Variants in PKDCC observed in about 807,000 individuals in gnomAD.
PKDCC encodes the protein protein kinase domain containing, cytoplasmic, also known as extracellular tyrosine-protein kinase PKDCC.
A neutral mutation model predicts 44.7 loss-of-function variants in PKDCC; 35 were observed. The ratio of observed to expected loss-of-function variants is 0.78; its 90% confidence interval spans 0.60 to 1.04. PKDCC has a LOEUF of 1.04. PKDCC is among the 50% of genes least tolerant of loss of function. PKDCC has a pLI of 0.00. For missense variants in PKDCC, 738 were observed against 672.7 expected, an observed-to-expected ratio of 1.10 and a Z score of -1.07; for synonymous variants, 353 against 303.3, an observed-to-expected ratio of 1.16 and a Z score of -1.70.
At chr2:42,053,129 C>T in intron 1 of PKDCC, 110 bp from the exon 2 acceptor site, 1 of 1,277,048 alleles carries the variant, frequency 7.8e-7, no homozygotes, top group South Asian at 1.5e-5. Flanking sequence ...TGAGCTGAAG[C>T]AAAGGCCTGG....
chr2:42,054,404 A>T lies in PKDCC; in HGVS notation c.1034+97A>T. On this transcript the variant is annotated intron_variant, in intron 3 of 6. Transcript: ENST00000294964. This position sits in a 1 kb window ranked among gnomAD's most constrained non-coding sequence, Gnocchi z 6.1. ...CAACGTGGAGGCCAGCTGGGCAGGG[A>T]GACTCAGCCTTGACCAGAGCAAGGG... The T allele has an allele frequency of 4.9e-6, 7 of 1,417,866 alleles. No individual in the cohort carries two copies. The highest frequency in any genetic ancestry group is 6.7e-6 in the Non-Finnish European group (7 of 1,046,620). The allele number at this position is 1,417,866 out of a possible 1,614,324, so 87.8% of individuals were successfully genotyped here.
intron 2 of PKDCC, 140 bp downstream of exon 2, chr2:42,053,501 A>G (rs1229412401): frequency 1.6e-6 from 2 of 1,218,472 alleles, no homozygotes; most frequent in East Asian, 5.0e-5. Flanking sequence ...TGACTCAGCC[A>G]CCGGCCAAAG....
In PKDCC at chr2:42,048,531, G is replaced by T. The variant is rs769233885; in HGVS notation, c.332G>T (p.Gly111Val). The T allele has an allele frequency of 2.7e-4, 326 of 1,225,634 alleles. 1 individual carries two copies. The Middle Eastern group carries it at 6.5e-3, about 24-fold the overall frequency. 75.9% of individuals were successfully genotyped at this position (1,225,634 alleles called of 1,614,324 possible). The change falls in exon 1 of 7, where the codon GGC (glycine) becomes GTC (valine). Residue 111 changes from glycine to valine, a missense_variant. Physicochemically the swap from Gly to Val is moderately radical, Grantham distance 109. Coordinates refer to ENST00000294964, the MANE Select transcript of PKDCC (RefSeq NM_138370.3). The surrounding 1 kb of genome is among the most constrained non-coding windows in gnomAD (Gnocchi z 6.2). ...CCTTGGGCCCGGCCCCTGTCCGACGGCGCCCCAGGCTGGCCCCCGGCTCCC... is the reference window on the plus strand; with the variant it reads ...CCTTGGGCCCGGCCCCTGTCCGACGTCGCCCCAGGCTGGCCCCCGGCTCCC... ...RPPWARPLSD[G>V]APGWPPAPGP... is the part of the protein sequence containing the mutation.
Position 42,055,440 on chromosome 2 carries a change from A to C in PKDCC, c.1222+47A>C. 6.4e-7 allele frequency: 1 copy of C among 1,552,714 alleles called. No homozygotes were observed. The highest frequency in any genetic ancestry group is 8.8e-7 in the Non-Finnish European group (1 of 1,133,260). Reference sequence around the variant, plus strand: ...CACAGGGAAGCAAGAAACAGGTGGGAGGGTGAATGACCCCGCCCAATTAGG... The same window carrying C: ...CACAGGGAAGCAAGAAACAGGTGGGCGGGTGAATGACCCCGCCCAATTAGG... On this transcript the variant is annotated intron_variant, in intron 5 of 6. Coordinates refer to ENST00000294964, the MANE Select transcript of PKDCC (RefSeq NM_138370.3). This position sits in a 1 kb window ranked among gnomAD's most constrained non-coding sequence, Gnocchi z 4.5.
chr2:42,050,160 A>C (rs1360617117), intron 1 of PKDCC, among the ~76,000 whole-genome samples: 5 of 152,202 alleles, frequency 3.3e-5, no homozygotes, highest in Admixed American at 3.3e-4. Context: ...CTGGGCCCCA[A>C]ACTGGTCTCA....
intron 1 of PKDCC, among the ~76,000 whole-genome samples, chr2:42,050,492 C>T (rs767313590): frequency 3.9e-5 from 6 of 152,164 alleles, no homozygotes; most frequent in African/African-American, 7.2e-5. Context: ...TCACTCTTCC[C>T]GCCAGCTCAA....
rs1667912356 is a variant in PKDCC, at chr2:42,048,571, C to G, written c.372C>G (p.Pro124=). 2 of 1,352,346 alleles carry G rather than the reference C, an allele frequency of 1.5e-6. No individual in the cohort carries two copies. Among genetic ancestry groups the G allele is most frequent in the Non-Finnish European group, 1.9e-6 (2 of 1,053,860 alleles). The allele number at this position is 1,352,346 out of a possible 1,614,324, so 83.8% of individuals were successfully genotyped here. A position where few individuals can be genotyped will look rare whatever the true frequency, so the allele number is the denominator to read the frequency against. The part of the protein sequence containing the change: ...GWPPAPGPGS[P]GPGPRLGCAA... ...CCCCGGCTCCCGGCCCAGGCTCCCC[C>G]GGCCCGGGCCCGCGCCTGGGCTGCG... The change falls in exon 1 of 7, where the codon CCC becomes CCG. Residue 124 remains proline, a synonymous_variant. Transcript: ENST00000294964. The surrounding 1 kb of genome is among the most constrained non-coding windows in gnomAD (Gnocchi z 6.2).
chr2:42,054,243 C>T lies in PKDCC; in HGVS notation c.970C>T (p.Pro324Ser). ...LEFPARNFTLPCSAQGWCEGM... is the reference protein window; with the variant it reads ...LEFPARNFTLSCSAQGWCEGM... ...GTTTCCGGCCAGGAACTTCACCCTG[C>T]CCTGCTCAGCCCAGGGCTGGTGCGA... The change falls in exon 3 of 7, where the codon CCC becomes TCC. Residue 324 changes from proline (P) to serine (S), a missense_variant. Physicochemically the swap from Pro to Ser is moderately conservative, Grantham distance 74. Coordinates refer to ENST00000294964, the MANE Select transcript of PKDCC (RefSeq NM_138370.3). The surrounding 1 kb of genome is among the most constrained non-coding windows in gnomAD (Gnocchi z 6.1). The T allele has an allele frequency of 6.2e-7, 1 of 1,604,430 alleles. No individual in the cohort carries two copies. Among genetic ancestry groups the T allele is most frequent in the East Asian group, 2.2e-5 (1 of 44,456 alleles).
rs764910100 is a variant in PKDCC at position 42,055,424 on chromosome 2, G to A, written c.1222+31G>A. The A allele has an allele frequency of 3.8e-6, 6 of 1,596,174 alleles. No homozygotes were observed. Among genetic ancestry groups the A allele is most frequent in the Non-Finnish European group, 1.7e-6 (2 of 1,167,718 alleles). ...TGGCCCCAAGCTGATCCACAGGGAA[G>A]CAAGAAACAGGTGGGAGGGTGAATG... On this transcript the variant is annotated intron_variant, in intron 5 of 6. Transcript: ENST00000294964. The surrounding 1 kb of genome is among the most constrained non-coding windows in gnomAD (Gnocchi z 4.5).
At chr2:42,049,778 C>T (rs766658233) in intron 1 of PKDCC, among the ~76,000 whole-genome samples, 1 of 152,122 alleles carries the variant, frequency 6.6e-6, no homozygotes, top group Non-Finnish European at 1.5e-5. Context: ...TCTCAGGTCT[C>T]CCCCCATCCT....
In PKDCC at chr2:42,048,315, C is replaced by T. The variant is rs2103921807; in HGVS notation, c.116C>T (p.Pro39Leu). The change falls in exon 1 of 7, where the codon CCT becomes CTT. Residue 39 changes from proline to leucine, a missense_variant. Pro to Leu is a moderately conservative substitution (Grantham distance 98, BLOSUM62 -3). Coordinates refer to ENST00000294964, the MANE Select transcript of PKDCC (RefSeq NM_138370.3). The surrounding 1 kb of genome is among the most constrained non-coding windows in gnomAD (Gnocchi z 6.2). ...GAGCCTCCGAGGCCAGGCCAGTCCC[C>T]TGAGCCTTCGCCGGCCCCGGGTCCG... ...GSEPPRPGQSPEPSPAPGPGR... is the reference protein window; with the variant it reads ...GSEPPRPGQSLEPSPAPGPGR... 1.7e-6 allele frequency: 2 copies of T among 1,203,176 alleles called. No homozygotes were observed. The highest frequency in any genetic ancestry group is 3.6e-5 in the East Asian group (1 of 27,538). The allele number at this position is 1,203,176 out of a possible 1,614,324, so 74.5% of individuals were successfully genotyped here.
Position 42,048,722 on chromosome 2 carries a change from C to G in PKDCC, c.523C>G (p.Leu175Val), listed in dbSNP as rs1161136954. The G allele has an allele frequency of 1.3e-6, 2 of 1,563,230 alleles. No homozygotes were observed. The highest frequency in any genetic ancestry group is 1.7e-6 in the Non-Finnish European group (2 of 1,155,002). The change falls in exon 1 of 7, where the codon CTG becomes GTG. Residue 175 changes from leucine (L) to valine (V), a missense_variant. Coordinates refer to ENST00000294964, the MANE Select transcript of PKDCC (RefSeq NM_138370.3). This position sits in a 1 kb window ranked among gnomAD's most constrained non-coding sequence, Gnocchi z 6.2. Reference sequence around the variant, plus strand: ...GGCGGTGGACTTTAGCGGCCACGATCTGGGCAGCTGCGTGCGCGAGTTCGG... The same window carrying G: ...GGCGGTGGACTTTAGCGGCCACGATGTGGGCAGCTGCGTGCGCGAGTTCGG... Reference protein sequence around the residue: ...LKAVDFSGHDLGSCVREFGVR... With the variant: ...LKAVDFSGHDVGSCVREFGVR...
At position 42,048,823 on chromosome 2, in the gene PKDCC, C is replaced by A; in HGVS notation, c.624C>A (p.His208Gln). The A allele has an allele frequency of 6.8e-7, 1 of 1,466,158 alleles. No individual in the cohort carries two copies. Among genetic ancestry groups the A allele is most frequent in the Non-Finnish European group, 9.1e-7 (1 of 1,100,222 alleles). The allele number at this position is 1,466,158 out of a possible 1,614,324, so 90.8% of individuals were successfully genotyped here. Residue 208 changes from histidine to glutamine, a missense_variant, in exon 1 of 7, where the codon CAC becomes CAA. His to Gln is a conservative substitution (Grantham distance 24). Coordinates refer to ENST00000294964, the MANE Select transcript of PKDCC (RefSeq NM_138370.3). This position sits in a 1 kb window ranked among gnomAD's most constrained non-coding sequence, Gnocchi z 6.2. ...TGGTGCTGCTGGAGCGGCTGCGGCACCCCAACGTGCTGCAGGTACGAGGGT... is the reference window on the plus strand; with the variant it reads ...TGGTGCTGCTGGAGCGGCTGCGGCAACCCAACGTGCTGCAGGTACGAGGGT... ...KEMVLLERLR[H>Q]PNVLQLYGYC... is the part of the protein sequence containing the mutation.
chr2:42,055,368 G>C lies in PKDCC; in HGVS notation c.1197G>C (p.Gln399His). The C allele has an allele frequency of 6.2e-7, 1 of 1,613,686 alleles. No individual in the cohort carries two copies. The change falls in exon 5 of 7, where the codon CAG becomes CAC. Residue 399 changes from glutamine (Q) to histidine (H), a missense_variant. Gln to His is a conservative substitution (Grantham distance 24). Coordinates refer to ENST00000294964, the MANE Select transcript of PKDCC (RefSeq NM_138370.3). The surrounding 1 kb of genome is among the most constrained non-coding windows in gnomAD (Gnocchi z 4.5). ...LHLYRSGQYL[Q>H]NSTASSSTEY... is the part of the protein sequence containing the mutation. ...TGTACCGGAGCGGGCAGTATCTGCA[G>C]AACTCCACGGCAAGCAGCAGTACCG...
chr2:42,051,241 CT>C lies in PKDCC; in HGVS notation c.640-1997del, dbSNP rs1445849617. Among the ~76,000 whole-genome samples the C allele has an allele frequency of 5.3e-5, 8 of 151,928 alleles. No homozygotes were observed. The highest frequency in any genetic ancestry group is 1.2e-4 in the Non-Finnish European group (8 of 67,910). ...TCTTTGACCCCTCCCCATCCCGCCC[CT>C]GACACACGCATACACACTCCCTCAC... On this transcript the variant is annotated intron_variant, in intron 1 of 6. Transcript: ENST00000294964. This position sits in a 1 kb window ranked among gnomAD's most constrained non-coding sequence, Gnocchi z 4.2.
chr2:42,048,269 GTGC>G lies in PKDCC; in HGVS notation c.72_74del (p.Leu25del). ...CTTCCTGCTGGGCTCCGTCCTCAACGTGCTCTTCGCTCCGGGCTCGGAGCCTCC... is the reference window on the plus strand; with the variant it reads ...CTTCCTGCTGGGCTCCGTCCTCAACGTCTTCGCTCCGGGCTCGGAGCCTCC... On this transcript the variant is annotated inframe_deletion, in exon 1 of 7. Transcript: ENST00000294964. This position sits in a 1 kb window ranked among gnomAD's most constrained non-coding sequence, Gnocchi z 6.2. 1 of 1,278,748 alleles carries G rather than the reference GTGC, an allele frequency of 7.8e-7. No individual in the cohort carries two copies. The highest frequency in any genetic ancestry group is 1.0e-6 in the Non-Finnish European group (1 of 1,005,004). The allele number at this position is 1,278,748 out of a possible 1,614,324, so 79.2% of individuals were successfully genotyped here.
In PKDCC at chr2:42,055,427, A is replaced by T. The variant is rs1199904745; in HGVS notation, c.1222+34A>T. The stretch of plus-strand genomic sequence containing the variant: ...CCCCAAGCTGATCCACAGGGAAGCA[A>T]GAAACAGGTGGGAGGGTGAATGACC... On this transcript the variant is annotated intron_variant, in intron 5 of 6. Coordinates refer to ENST00000294964, the MANE Select transcript of PKDCC (RefSeq NM_138370.3). The surrounding 1 kb of genome is among the most constrained non-coding windows in gnomAD (Gnocchi z 4.5). 1 of 1,594,162 alleles carries T rather than the reference A, an allele frequency of 6.3e-7. No individual in the cohort carries two copies. The highest frequency in any genetic ancestry group is 8.6e-7 in the Non-Finnish European group (1 of 1,166,232).
At position 42,057,329 on chromosome 2, in the gene PKDCC, T is replaced by G; in HGVS notation, c.1331T>G (p.Val444Gly). 6.2e-7 allele frequency: 1 copy of G among 1,614,210 alleles called. No homozygotes were observed. Among genetic ancestry groups the G allele is most frequent in the South Asian group, 1.1e-5 (1 of 91,084 alleles). The change falls in exon 6 of 7, where the codon GTG becomes GGG. Residue 444 changes from valine (V) to glycine (G), a missense_variant. By Grantham distance (109) the Val-to-Gly change is moderately radical. Coordinates refer to ENST00000294964, the MANE Select transcript of PKDCC (RefSeq NM_138370.3). ...TCAGTGTTCAACCTGGCTGAGGCTGTGGATGTCTGTGAGAGCCATGCCCAG... is the reference window on the plus strand; with the variant it reads ...TCAGTGTTCAACCTGGCTGAGGCTGGGGATGTCTGTGAGAGCCATGCCCAG... ...LLSVFNLAEA[V>G]DVCESHAQCR...
rs763243200 is a variant in PKDCC at position 42,048,839 on chromosome 2, G to A, written c.639+1G>A. 5 of 1,457,592 alleles carry A rather than the reference G, an allele frequency of 3.4e-6. No individual in the cohort carries two copies. The highest frequency in any genetic ancestry group is 1.4e-5 in the African/African-American group (1 of 71,326). The allele number at this position is 1,457,592 out of a possible 1,614,324, so 90.3% of individuals were successfully genotyped here. ...GCTGCGGCACCCCAACGTGCTGCAG[G>A]TACGAGGGTGGGGACGCGGGGGTAA... On this transcript the variant is annotated splice_donor_variant, in intron 1 of 6. Coordinates refer to ENST00000294964, the MANE Select transcript of PKDCC (RefSeq NM_138370.3). LOFTEE classifies it high-confidence loss of function. The surrounding 1 kb of genome is among the most constrained non-coding windows in gnomAD (Gnocchi z 6.2).
Sources: allele counts gnomAD v4.1 joint callset (sites outside exome capture counted in the v4.1 genomes callset), GRCh38; gene constraint gnomAD v4.1.1; non-coding constraint Gnocchi (gnomAD v3.1); transcripts MANE v1.5; gene names NCBI Gene and HGNC (gene_info 2026-07-23, HGNC 2026-07-21).